AKAP6: variants seen among roughly 807,000 people sequenced by gnomAD.
AKAP6 encodes A-kinase anchoring protein 6.
AKAP6 carries 58 observed loss-of-function variants against 188.5 expected under a neutral mutation model. That is an observed-to-expected ratio of 0.31 (90% CI 0.25 to 0.38). AKAP6 has a LOEUF of 0.38. Ranked by LOEUF, AKAP6 falls within the 10% of genes least tolerant of loss-of-function variation. AKAP6 has a pLI of 1.00. For synonymous variants in AKAP6, 989 were observed against 998.6 expected, an observed-to-expected ratio of 0.99 and a Z score of 0.18; for missense variants, 2,710 against 2,740.0, an observed-to-expected ratio of 0.99 and a Z score of 0.24.
chr14:32,428,509 G>T (rs918065107), intron 1 of AKAP6, among the ~76,000 whole-genome samples: 1 of 152,056 alleles, frequency 6.6e-6, no homozygotes, highest in African/African-American at 2.4e-5. Flanking sequence ...AAACACCGGG[G>T]AGAGGAGGAG....
chr14:32,549,473 A>G lies in AKAP6; in HGVS notation c.2346+2474A>G, dbSNP rs143292595. ...GAATGAGCATGGATATGGGGTACAA[A>G]GAGAGCTGTCCTGGTTGGAAGGTTT... On this transcript the variant is annotated intron_variant, in intron 4 of 13. Transcript: ENST00000280979. Among the ~76,000 whole-genome samples, 486 of 152,284 alleles carry G rather than the reference A, an allele frequency of 3.2e-3. 2 individuals are homozygous for G. The highest frequency in any genetic ancestry group is 5.7e-3 in the Non-Finnish European group (389 of 68,024).
At chr14:32,508,453 G>A (rs894743259) in intron 2 of AKAP6, among the ~76,000 whole-genome samples, 4 of 152,128 alleles carry the variant, frequency 2.6e-5, no homozygotes, top group African/African-American at 7.2e-5. Context: ...CTGAAGATCC[G>A]GTTGCAGGAA....
chr14:32,754,815 T>A (rs1183950682), intron 11 of AKAP6, among the ~76,000 whole-genome samples: 1 of 152,144 alleles, frequency 6.6e-6, no homozygotes, highest in African/African-American at 2.4e-5. Flanking sequence ...GCACTTTGAA[T>A]ATATCTTCCC....
chr14:32,795,982 C>T (rs1594953890), intron 12 of AKAP6, among the ~76,000 whole-genome samples: 1 of 152,108 alleles, frequency 6.6e-6, no homozygotes, highest in East Asian at 1.9e-4. Context: ...TTTCTATATA[C>T]CAACAACAGG....
intron 4 of AKAP6, among the ~76,000 whole-genome samples, chr14:32,551,801 A>G (rs1483961359): frequency 1.3e-5 from 2 of 149,954 alleles, no homozygotes; most frequent in African/African-American, 4.9e-5. Flanking sequence ...CTGGGACTAC[A>G]GGTGCCTGCC....
chr14:32,743,380 A>G (rs776386470), intron 11 of AKAP6, among the ~76,000 whole-genome samples: 1 of 152,122 alleles, frequency 6.6e-6, no homozygotes, highest in Non-Finnish European at 1.5e-5. Context: ...TATTATTGAT[A>G]AGTTAGGACT....
intron 1 of AKAP6, among the ~76,000 whole-genome samples, chr14:32,420,542 G>T (rs1022638971): frequency 2.6e-5 from 4 of 151,986 alleles, no homozygotes; most frequent in African/African-American, 4.8e-5. Context: ...ACAACTTTTG[G>T]TTTCTCTCTG....
intron 2 of AKAP6, among the ~76,000 whole-genome samples, chr14:32,459,841 G>A (rs1014171063): frequency 1.3e-5 from 2 of 151,662 alleles, no homozygotes; most frequent in African/African-American, 4.8e-5. Flanking sequence ...AGGTATAAAG[G>A]CCACAGACAA....
chr14:32,548,994 A>G (rs1156286486), intron 4 of AKAP6, among the ~76,000 whole-genome samples: 2 of 152,206 alleles, frequency 1.3e-5, no homozygotes, highest in Non-Finnish European at 2.9e-5. Context: ...TATAGTGCAT[A>G]TGGATAGAAT....
At chr14:32,383,535 A>G (rs2138559764) in intron 1 of AKAP6, among the ~76,000 whole-genome samples, 1 of 152,320 alleles carries the variant, frequency 6.6e-6, no homozygotes, top group East Asian at 1.9e-4. Flanking sequence ...TAGTGACATT[A>G]CAGTGGAGTT....
chr14:32,818,766 T>G (rs553048303), intron 12 of AKAP6, among the ~76,000 whole-genome samples: 2 of 148,290 alleles, frequency 1.3e-5, no homozygotes, highest in Non-Finnish European at 2.9e-5. Context: ...TGGGCTTAGC[T>G]CCCAGCCCAT....
At chr14:32,721,021 G>A (rs931653157) in intron 9 of AKAP6, among the ~76,000 whole-genome samples, 8 of 152,104 alleles carry the variant, frequency 5.3e-5, no homozygotes, top group African/African-American at 1.4e-4. Flanking sequence ...TAATTGCTGC[G>A]CCTCAAGTCT....
chr14:32,448,262 C>T (rs1024329523), intron 2 of AKAP6, among the ~76,000 whole-genome samples: 8 of 152,166 alleles, frequency 5.3e-5, no homozygotes, highest in South Asian at 4.1e-4. Context: ...CCTAACATTT[C>T]GTGACAATAA....
chr14:32,579,606 AC>A (rs1400075423), intron 5 of AKAP6, among the ~76,000 whole-genome samples: 1 of 152,134 alleles, frequency 6.6e-6, no homozygotes, highest in Non-Finnish European at 1.5e-5. Context: ...AGCTACTGTT[AC>A]ACTGGATGCT....
At chr14:32,345,715 T>A (rs1566454583) in intron 1 of AKAP6, among the ~76,000 whole-genome samples, 1 of 152,172 alleles carries the variant, frequency 6.6e-6, no homozygotes, top group Non-Finnish European at 1.5e-5. Flanking sequence ...GTCTCAGCCA[T>A]TCCCTGGACT....
chr14:32,673,830 G>T (rs937677963), intron 7 of AKAP6, among the ~76,000 whole-genome samples: 46 of 152,240 alleles, frequency 3.0e-4, no homozygotes, highest in Admixed American at 8.5e-4. Flanking sequence ...ATATTGCCAG[G>T]GTACTGGGAA....
chr14:32,784,653 G>T (rs1594942267), intron 12 of AKAP6, among the ~76,000 whole-genome samples: 1 of 152,226 alleles, frequency 6.6e-6, no homozygotes, highest in Middle Eastern at 3.4e-3. Context: ...CTGTTTCTCA[G>T]TTGCTGTGTT....
chr14:32,744,381 A>G (rs2031804204), intron 11 of AKAP6, among the ~76,000 whole-genome samples: 1 of 151,978 alleles, frequency 6.6e-6, no homozygotes, highest in Non-Finnish European at 1.5e-5. Context: ...CAGTGGCACA[A>G]TCTCGGCTCA....
intron 4 of AKAP6, among the ~76,000 whole-genome samples, chr14:32,553,935 G>A (rs960902458): frequency 2.0e-5 from 3 of 152,188 alleles, no homozygotes; most frequent in African/African-American, 7.2e-5. Context: ...AAAGCCAGAA[G>A]CGAAGTCAAG....
Sources: gnomAD v4.1 joint callset for allele counts (sites outside exome capture counted in the v4.1 genomes callset) on GRCh38, gnomAD v4.1.1 for gene constraint, MANE v1.5 for transcripts, NCBI Gene and HGNC (gene_info 2026-07-23, HGNC 2026-07-21) for gene names.